Variants in CLASP1 observed in about 807,000 individuals in gnomAD.
The protein encoded by CLASP1 is cytoplasmic linker associated protein 1, also known as CLIP-associating protein 1.
Under a neutral mutation model 192.3 loss-of-function variants are expected in CLASP1, and 38 were observed. That is an observed-to-expected ratio of 0.20 (90% CI 0.15 to 0.26). The LOEUF is 0.26. CLASP1 is among the 10% of genes least tolerant of loss of function. The pLI is 1.00. For synonymous variants in CLASP1, 691 were observed against 712.8 expected (o/e 0.97, Z 0.49); for missense variants, 1,433 against 1,932.5 (o/e 0.74, Z 4.85).
chr2:121,472,851 C>G (rs747666749), intron 8 of CLASP1, among the ~76,000 whole-genome samples: 1 of 152,188 alleles, frequency 6.6e-6, no homozygotes, highest in South Asian at 2.1e-4. Context: ...AGAGTCAGGT[C>G]TTAGTGAGAC....
intron 7 of CLASP1, among the ~76,000 whole-genome samples, chr2:121,505,892 A>T (rs2093932797): frequency 6.6e-6 from 1 of 152,132 alleles, no homozygotes; most frequent in Non-Finnish European, 1.5e-5. Context: ...TCCTGGAAGC[A>T]AATACTTAAT....
At chr2:121,607,803 A>C (rs2064646544) in intron 1 of CLASP1, among the ~76,000 whole-genome samples, 1 of 152,148 alleles carries the variant, frequency 6.6e-6, no homozygotes, top group Admixed American at 6.5e-5. Flanking sequence ...TGAACACAGC[A>C]ATTCTCTCCC....
Position 121,610,767 on chromosome 2 carries a change from G to C in CLASP1, c.-285-4587C>G, listed in dbSNP as rs139842833. 2.2e-4 allele frequency among the ~76,000 whole-genome samples: 32 copies of C among 146,384 alleles called. 1 individual carries two copies. The East Asian group carries it at 6.7e-3, about 31-fold the overall frequency. ...AGGAGGAAGAGTTACAGGAGGAAGA[G>C]GAACTGGAGGAGGAGGAAGAGTTAC... On this transcript the variant is annotated intron_variant, in intron 1 of 39. Transcript: ENST00000263710.
intron 1 of CLASP1, among the ~76,000 whole-genome samples, chr2:121,638,674 T>C (rs1256114278): frequency 1.3e-5 from 2 of 149,432 alleles, no homozygotes; most frequent in Non-Finnish European, 3.0e-5. Flanking sequence ...TTTTTTATTT[T>C]TTTTTTTTTT....
chr2:121,500,445 AGGAAGGAG>A (rs1429399167), intron 8 of CLASP1, among the ~76,000 whole-genome samples: 82 of 151,278 alleles, frequency 5.4e-4, no homozygotes, highest in African/African-American at 1.6e-3. Context: ...AAAAGAGGGA[AGGAAGGAG>A]GGAAGGAGGG....
At chr2:121,403,647 C>G (rs1187667939) in intron 26 of CLASP1, 3 of 439,064 alleles carry the variant, frequency 6.8e-6, no homozygotes, top group African/African-American at 6.1e-5. Flanking sequence ...AGGGCCTTCT[C>G]CCTAACAATA....
At chr2:121,415,701 A>G (rs1387194657) in intron 23 of CLASP1, among the ~76,000 whole-genome samples, 1 of 152,194 alleles carries the variant, frequency 6.6e-6, no homozygotes, top group South Asian at 2.1e-4. Flanking sequence ...ATACCACAGA[A>G]AATTTATAGG....
intron 19 of CLASP1, among the ~76,000 whole-genome samples, chr2:121,440,438 G>A (rs1181673900): frequency 2.6e-5 from 4 of 152,196 alleles, no homozygotes; most frequent in African/African-American, 4.8e-5. Context: ...AGTGGCTCAC[G>A]CCTGTAATCC....
At chr2:121,380,356 A>G (rs2071345165) in intron 33 of CLASP1, among the ~76,000 whole-genome samples, 1 of 152,128 alleles carries the variant, frequency 6.6e-6, no homozygotes, top group Non-Finnish European at 1.5e-5. Flanking sequence ...CCCAGGACAT[A>G]ATCCTTGGGT....
intron 19 of CLASP1, among the ~76,000 whole-genome samples, chr2:121,443,801 T>C (rs1193080438): frequency 1.3e-5 from 2 of 152,148 alleles, no homozygotes; most frequent in African/African-American, 4.8e-5. Context: ...ATGTGATAAA[T>C]TTAAGAAACA....
intron 37 of CLASP1, among the ~76,000 whole-genome samples, chr2:121,359,944 C>T (rs1558865013): frequency 6.6e-6 from 1 of 152,232 alleles, no homozygotes; most frequent in African/African-American, 2.4e-5. Context: ...TTGAAAGAAA[C>T]TGACAAAGCA....
rs3980092 is a variant in CLASP1 at position 121,578,726 on chromosome 2, C to CA, written c.195+26974dup. The stretch of plus-strand genomic sequence containing the variant: ...CTGGCAACAGAGCAAGACTCCGTCT[C>CA]AAAAAAAAAAAAAAAAAGTTAGACC... On this transcript the variant is annotated intron_variant, in intron 2 of 39. Transcript: ENST00000263710. 3.9e-3 allele frequency among the ~76,000 whole-genome samples: 416 copies of CA among 105,698 alleles called. 1 individual carries two copies. Among genetic ancestry groups the CA allele is most frequent in the Middle Eastern group, 0.012 (2 of 168 alleles). The allele number at this position is 105,698 out of a possible 152,430, so 69.3% of individuals were successfully genotyped here. A position where few individuals can be genotyped will look rare whatever the true frequency, so the allele number is the denominator to read the frequency against.
intron 2 of CLASP1, among the ~76,000 whole-genome samples, chr2:121,601,239 T>C (rs1289246267): frequency 6.6e-6 from 1 of 151,674 alleles, no homozygotes; most frequent in African/African-American, 2.4e-5. Flanking sequence ...CAACCATGGC[T>C]AACATCTGAC....
intron 25 of CLASP1, among the ~76,000 whole-genome samples, chr2:121,406,615 G>C (rs1373187927): frequency 6.6e-6 from 1 of 151,764 alleles, no homozygotes; most frequent in Non-Finnish European, 1.5e-5. Context: ...TTTTGAGACA[G>C]GATTTCGCTC....
intron 2 of CLASP1, among the ~76,000 whole-genome samples, chr2:121,544,695 C>T (rs897880540): frequency 6.6e-6 from 1 of 151,972 alleles, no homozygotes; most frequent in Non-Finnish European, 1.5e-5. Flanking sequence ...TAAACACACA[C>T]GTACCACATG....
At chr2:121,413,961 T>C (rs191700938) in intron 23 of CLASP1, among the ~76,000 whole-genome samples, 180 bp downstream of exon 24, 1 of 152,190 alleles carries the variant, frequency 6.6e-6, no homozygotes, top group African/African-American at 2.4e-5. Flanking sequence ...ATGAAGCATC[T>C]ACAGCCTATT....
intron 7 of CLASP1, among the ~76,000 whole-genome samples, chr2:121,509,162 A>G (rs768784462): frequency 2.6e-5 from 4 of 152,184 alleles, no homozygotes; most frequent in Non-Finnish European, 4.4e-5. Flanking sequence ...ACATTCAAAC[A>G]AACAATATTA....
chr2:121,589,458 T>C (rs1038927998), intron 2 of CLASP1, among the ~76,000 whole-genome samples: 2 of 151,984 alleles, frequency 1.3e-5, no homozygotes, highest in Admixed American at 6.6e-5. Flanking sequence ...GGTAAAACCC[T>C]GTCTCTACTA....
intron 8 of CLASP1, among the ~76,000 whole-genome samples, chr2:121,486,616 C>T (rs1351617090): frequency 6.6e-6 from 1 of 152,174 alleles, no homozygotes; most frequent in African/African-American, 2.4e-5. Context: ...AATCCTGACC[C>T]AATTCTTTTT....
Sources: allele counts gnomAD v4.1 joint callset (sites outside exome capture counted in the v4.1 genomes callset), GRCh38; gene constraint gnomAD v4.1.1; transcripts MANE v1.5; gene names NCBI Gene and HGNC (gene_info 2026-07-23, HGNC 2026-07-21).